AZI2: variants seen among roughly 807,000 people sequenced by gnomAD.
AZI2 encodes the protein 5-azacytidine-induced protein 2.
AZI2 carries 22 observed loss-of-function variants against 45.8 expected under a neutral mutation model. That is an observed-to-expected ratio of 0.48 (90% CI 0.34 to 0.69). AZI2 has a LOEUF of 0.69. Ranked by LOEUF, AZI2 falls within the 30% of genes least tolerant of loss-of-function variation. AZI2 has a pLI of 0.01. For synonymous variants in AZI2, 137 were observed against 156.7 expected (o/e 0.87, Z 0.94); for missense variants, 417 against 441.5 (o/e 0.94, Z 0.50).
chr3:28,326,800 G>A (rs758714737), intron 7 of AZI2, 32 bp downstream of exon 7: 2 of 1,504,674 alleles, frequency 1.3e-6, no homozygotes, highest in Non-Finnish European at 1.8e-6. Context: ...AGTTTGGCTG[G>A]AATCAGTGGT....
chr3:28,324,150 T>C lies in AZI2; in HGVS notation c.1071A>G (p.Ser357=). The C allele has an allele frequency of 6.2e-7, 1 of 1,610,666 alleles. No homozygotes were observed. The highest frequency in any genetic ancestry group is 1.1e-5 in the South Asian group (1 of 90,992). The change falls in exon 8 of 8, where the codon TCA becomes TCG. Residue 357 remains serine, a synonymous_variant. Coordinates refer to ENST00000479665, the MANE Select transcript of AZI2 (RefSeq NM_022461.5). ...NSWVFPSPPK[S]SETAFGETKT... ...TAGTTTCCCCAAATGCTGTCTCACT[T>C]GATTTAGGAGGACTTGGAAATACCC...
intron 6 of AZI2, 63 bp from the exon 7 acceptor site, chr3:28,327,013 A>C (rs531989789): frequency 8.6e-7 from 1 of 1,157,004 alleles, no homozygotes; most frequent in South Asian, 1.3e-5. Flanking sequence ...AAAGGGAATA[A>C]CTTTAGAAAT....
rs1703234073 is a variant in AZI2, at chr3:28,322,957, T to TA, written c.*1084dup. ...AGTAAATCTCCACCCTGAAAGAACT[T>TA]AAATTTCCATGTGAAGCCATCTTTA... On this transcript the variant is annotated 3_prime_UTR_variant, in exon 8 of 8. Coordinates refer to ENST00000479665, the MANE Select transcript of AZI2 (RefSeq NM_022461.5). 2 of 151,120 alleles carry TA rather than the reference T, an allele frequency of 1.3e-5. No homozygotes were observed. The highest frequency in any genetic ancestry group is 1.3e-4 in the Admixed American group (2 of 15,114). 9.4% of individuals were successfully genotyped at this position (151,120 alleles called of 1,614,324 possible).
intron 6 of AZI2, chr3:28,331,572 T>C: frequency 1.0e-6 from 1 of 975,108 alleles, no homozygotes; most frequent in Admixed American, 4.8e-5. Flanking sequence ...TTCCTCAAAT[T>C]GTTTTTCCTA....
chr3:28,328,354 TACTC>T (rs929507598), intron 6 of AZI2, among the ~76,000 whole-genome samples: 1 of 151,134 alleles, frequency 6.6e-6, no homozygotes, highest in Non-Finnish European at 1.5e-5. Context: ...TCCGAAGAGT[TACTC>T]ACATTATATA....
In AZI2 at chr3:28,323,963, C is replaced by A. The variant is rs190014926; in HGVS notation, c.*79G>T. ...CAAAATTTTAATCAAAATCTCCTTTCAGTTTGTTAAATAATTTCTTGGGAG... is the reference window on the plus strand; with the variant it reads ...CAAAATTTTAATCAAAATCTCCTTTAAGTTTGTTAAATAATTTCTTGGGAG... On this transcript the variant is annotated 3_prime_UTR_variant, in exon 8 of 8. Coordinates refer to ENST00000479665, the MANE Select transcript of AZI2 (RefSeq NM_022461.5). The A allele has an allele frequency of 1.4e-4, 201 of 1,450,894 alleles. 3 individuals are homozygous for A. The African/African-American group carries it at 2.5e-3, about 18-fold the overall frequency. 89.9% of individuals were successfully genotyped at this position (1,450,894 alleles called of 1,614,324 possible).
intron 1 of AZI2, chr3:28,348,145 G>A (rs1221703149): frequency 6.6e-6 from 1 of 152,252 alleles, no homozygotes; most frequent in Non-Finnish European, 1.5e-5. Flanking sequence ...TTAGACATTG[G>A]AGAAACGACG....
At chr3:28,330,758 C>T (rs908642590) in intron 6 of AZI2, among the ~76,000 whole-genome samples, 1 of 151,290 alleles carries the variant, frequency 6.6e-6, no homozygotes, top group Non-Finnish European at 1.5e-5. Context: ...TTGCAAAAAA[C>T]CACAAGTGTA....
chr3:28,344,055 CA>C (rs1301729202), intron 1 of AZI2, among the ~76,000 whole-genome samples: 1 of 151,898 alleles, frequency 6.6e-6, no homozygotes, highest in Non-Finnish European at 1.5e-5. Flanking sequence ...TTATTCTATA[CA>C]CTATAAACAT....
intron 1 of AZI2, among the ~76,000 whole-genome samples, chr3:28,346,664 T>C (rs965064898): frequency 1.6e-4 from 25 of 152,160 alleles, no homozygotes; most frequent in African/African-American, 5.3e-4. Context: ...TCTGAAAAGT[T>C]AGGATATTCC....
At chr3:28,341,340 G>T (rs1704010032) in intron 1 of AZI2, among the ~76,000 whole-genome samples, 1 of 152,070 alleles carries the variant, frequency 6.6e-6, no homozygotes, top group Admixed American at 6.6e-5. Context: ...AAATCTAGAA[G>T]AATGTTAAGC....
rs894815730 is a variant in AZI2 at position 28,331,855 on chromosome 3, T to G, written c.647+514A>C. 2.6e-6 allele frequency: 4 copies of G among 1,547,048 alleles called. No individual in the cohort carries two copies. In the East Asian group the frequency reaches 7.3e-5, roughly 28 times the overall value. Reference sequence around the variant, plus strand: ...GGTTGAAAAAGTATATGAACTCTGATGGCTACTTCTATTCTTATGCGAAGA... The same window carrying G: ...GGTTGAAAAAGTATATGAACTCTGAGGGCTACTTCTATTCTTATGCGAAGA... On this transcript the variant is annotated intron_variant, in intron 6 of 7. Transcript: ENST00000479665.
At chr3:28,344,055 C>G (rs1191630222) in intron 1 of AZI2, among the ~76,000 whole-genome samples, 2 of 151,898 alleles carry the variant, frequency 1.3e-5, no homozygotes, top group African/African-American at 4.8e-5. Flanking sequence ...TTATTCTATA[C>G]ACTATAAACA....
chr3:28,321,214 A>G lies in AZI2; in HGVS notation c.*2828T>C, dbSNP rs529077046. On this transcript the variant is annotated 3_prime_UTR_variant, in exon 8 of 8. Coordinates refer to ENST00000479665, the MANE Select transcript of AZI2 (RefSeq NM_022461.5). ...ACACAGCATAGGGGCAAACATGCCC[A>G]TATTTCCACATTGACCTTTGGTATT... The G allele has an allele frequency of 6.6e-6, 1 of 151,490 alleles. No individual in the cohort carries two copies. Among genetic ancestry groups the G allele is most frequent in the Non-Finnish European group, 1.5e-5 (1 of 67,582 alleles). The allele number at this position is 151,490 out of a possible 1,614,324, so 9.4% of individuals were successfully genotyped here.
chr3:28,334,967 A>C (rs992571685), intron 5 of AZI2, among the ~76,000 whole-genome samples: 1 of 152,002 alleles, frequency 6.6e-6, no homozygotes, highest in African/African-American at 2.4e-5. Context: ...CTAATATTCC[A>C]GCCATTTATA....
intron 5 of AZI2, among the ~76,000 whole-genome samples, chr3:28,334,841 G>A (rs992183476): frequency 6.6e-6 from 1 of 151,870 alleles, no homozygotes; most frequent in African/African-American, 2.4e-5. Context: ...TTTTAAAAAA[G>A]CATTTACCTA....
intron 1 of AZI2, 113 bp from the exon 2 acceptor site, chr3:28,340,735 C>T: frequency 1.2e-6 from 1 of 824,478 alleles, no homozygotes; most frequent in Non-Finnish European, 1.8e-6. Flanking sequence ...AAAAACCAGA[C>T]TGCCTGGGTT....
Position 28,340,558 on chromosome 3 carries a change from T to C in AZI2, c.60A>G (p.Arg20=), listed in dbSNP as rs1703974121. The change falls in exon 2 of 8, where the codon AGA becomes AGG. Residue 20 remains arginine, a synonymous_variant. Transcript: ENST00000479665. ...ATATTGAAACTGGAGTCACTGTATC[T>C]CTCTTATGGGCTTTTTCATGATTCA... ...CILNHEKAHK[R]DTVTPVSIYS... is the part of the protein sequence containing the mutation. The C allele has an allele frequency of 6.2e-7, 1 of 1,613,174 alleles. No individual in the cohort carries two copies. The highest frequency in any genetic ancestry group is 1.1e-5 in the South Asian group (1 of 91,026).
chr3:28,328,791 TAC>T (rs1483723356), intron 6 of AZI2, among the ~76,000 whole-genome samples: 2 of 151,320 alleles, frequency 1.3e-5, no homozygotes, highest in Non-Finnish European at 3.0e-5. Flanking sequence ...TTTCCCACTT[TAC>T]AGTTAACATT....
Sources: allele counts gnomAD v4.1 joint callset (sites outside exome capture counted in the v4.1 genomes callset), GRCh38; gene constraint gnomAD v4.1.1; transcripts MANE v1.5; gene names NCBI Gene and HGNC (gene_info 2026-07-23, HGNC 2026-07-21).